The following FGL1 variants were observed in gnomAD, a reference collection of about 807,000 sequenced individuals.
The protein encoded by FGL1 is fibrinogen-like protein 1.
Under a neutral mutation model 43.7 loss-of-function variants are expected in FGL1, and 59 were observed. The observed-to-expected ratio is 1.35, with a 90% confidence interval of 1.10 to 1.68. The LOEUF (loss-of-function observed/expected upper bound fraction) is 1.68. FGL1 is among the 40% of genes most tolerant of loss of function. The pLI is 0.00. For synonymous variants in FGL1, 192 were observed against 126.5 expected, an observed-to-expected ratio of 1.52 and a Z score of -3.48; for missense variants, 596 against 373.0, an observed-to-expected ratio of 1.60 and a Z score of -4.92.
intron 3 of FGL1, among the ~76,000 whole-genome samples, chr8:17,876,691 T>C (rs1390836930): frequency 6.6e-6 from 1 of 152,184 alleles, no homozygotes; most frequent in Non-Finnish European, 1.5e-5. Context: ...AAGAAGCTTT[T>C]TGCTTACATT....
chr8:17,882,022 A>T lies in FGL1; in HGVS notation c.221T>A (p.Leu74His), dbSNP rs1169234815. 6.2e-7 allele frequency: 1 copy of T among 1,613,928 alleles called. No homozygotes were observed. The highest frequency in any genetic ancestry group is 2.2e-5 in the East Asian group (1 of 44,860). The change falls in exon 3 of 8, where the codon CTT becomes CAT. Residue 74 changes from leucine to histidine, a missense_variant. Coordinates refer to ENST00000427924, the MANE Select transcript of FGL1 (RefSeq NM_004467.4). The part of the protein sequence containing the change: ...DKGDENTVID[L>H]GSKRQYADCS... The stretch of plus-strand genomic sequence containing the variant: ...ACCTGCATACTGCCTCTTGCTTCCA[A>T]GATCAATGACAGTATTCTCATCTCC...
At chr8:17,887,195 A>G (rs1372527676) in intron 1 of FGL1, among the ~76,000 whole-genome samples, 2 of 152,116 alleles carry the variant, frequency 1.3e-5, no homozygotes, top group Non-Finnish European at 2.9e-5. Context: ...GCCAAAGAAC[A>G]TAGGATTCCT....
At position 17,868,596 on chromosome 8, in the gene FGL1, T is replaced by C. The variant is rs1373355972; in HGVS notation, c.731A>G (p.Tyr244Cys). ...ATCTTCTTCTGCGCAGTTCCCTTCA[T>C]AGTTGTCATGATCTCTGTCCCACGT... ...FSTWDRDHDN[Y>C]EGNCAEEDQS... Residue 244 changes from tyrosine (Y) to cysteine (C), a missense_variant, in exon 7 of 8, where the codon TAT (tyrosine) becomes TGT (cysteine). Coordinates refer to ENST00000427924, the MANE Select transcript of FGL1 (RefSeq NM_004467.4). 2 of 1,613,924 alleles carry C rather than the reference T, an allele frequency of 1.2e-6. No individual in the cohort carries two copies. The highest frequency in any genetic ancestry group is 1.3e-5 in the African/African-American group (1 of 74,924).
intron 7 of FGL1, among the ~76,000 whole-genome samples, chr8:17,867,763 C>T (rs1165138839): frequency 6.6e-6 from 1 of 152,162 alleles, no homozygotes; most frequent in African/African-American, 2.4e-5. Flanking sequence ...AATCTCTGCT[C>T]AGAATGACAT....
chr8:17,881,989 C>T lies in FGL1; in HGVS notation c.244+10G>A. 1 of 1,610,740 alleles carries T rather than the reference C, an allele frequency of 6.2e-7. No homozygotes were observed. The highest frequency in any genetic ancestry group is 8.5e-7 in the Non-Finnish European group (1 of 1,177,962). On this transcript the variant is annotated intron_variant, in intron 3 of 7. Coordinates refer to ENST00000427924, the MANE Select transcript of FGL1 (RefSeq NM_004467.4). ...AGTTATAGAAACACTTAAGAAAAGTCCATTCTGACCTGCATACTGCCTCTT... is the reference window on the plus strand; with the variant it reads ...AGTTATAGAAACACTTAAGAAAAGTTCATTCTGACCTGCATACTGCCTCTT...
intron 5 of FGL1, among the ~76,000 whole-genome samples, chr8:17,873,381 C>T (rs1360986379): frequency 6.6e-6 from 1 of 152,052 alleles, no homozygotes; most frequent in African/African-American, 2.4e-5. Context: ...CCTTCCATCC[C>T]AGAGCAGCAA....
intron 3 of FGL1, among the ~76,000 whole-genome samples, chr8:17,878,200 C>A (rs935061796): frequency 6.6e-6 from 1 of 152,126 alleles, no homozygotes; most frequent in South Asian, 2.1e-4. Context: ...GTTCCTCCCA[C>A]CTCGGCCTCT....
In FGL1 at chr8:17,893,913, T is replaced by C. The variant is rs1053340149; in HGVS notation, c.-18+1534A>G. On this transcript the variant is annotated intron_variant, in intron 1 of 7. Transcript: ENST00000427924. ...TGCACAATTAGTTGTATTTCTTTTA[T>C]AATATTTTTGCCTTAGGCAGTATCA... 2.4e-4 allele frequency among the ~76,000 whole-genome samples: 36 copies of C among 147,394 alleles called. 3 individuals carry two copies. The highest frequency in any genetic ancestry group is 1.9e-4 in the East Asian group (1 of 5,190).
At position 17,868,065 on chromosome 8, in the gene FGL1, T is replaced by C. The variant is rs377192857; in HGVS notation, c.779+483A>G. Among the ~76,000 whole-genome samples the C allele has an allele frequency of 5.9e-5, 9 of 152,344 alleles. No individual in the cohort carries two copies. In the East Asian group the frequency reaches 1.5e-3, roughly 26 times the overall value. ...AGGGTAGAATTAGGTTTCTGGATTA[T>C]TGTAAAGGAAATTTCTGTATTGGGA... On this transcript the variant is annotated intron_variant, in intron 7 of 7. Coordinates refer to ENST00000427924, the MANE Select transcript of FGL1 (RefSeq NM_004467.4).
chr8:17,885,434 A>G (rs971883246), intron 2 of FGL1, 58 bp downstream of exon 2: 4 of 1,437,376 alleles, frequency 2.8e-6, no homozygotes, highest in Non-Finnish European at 3.9e-6. Context: ...AAAATGAAAG[A>G]AAATTCAGAT....
At position 17,868,633 on chromosome 8, in the gene FGL1, T is replaced by C; in HGVS notation, c.694A>G (p.Met232Val). The part of the protein sequence containing the change: ...EVQWWASHQR[M>V]KFSTWDRDHD... ...TCTCTGTCCCACGTGCTGAATTTCA[T>C]TCTTTGGTGACTAGCCCACCACTGC... Residue 232 changes from methionine to valine, a missense_variant, in exon 7 of 8, where the codon ATG becomes GTG. Transcript: ENST00000427924. The C allele has an allele frequency of 1.9e-6, 3 of 1,614,172 alleles. No individual in the cohort carries two copies. The highest frequency in any genetic ancestry group is 2.5e-6 in the Non-Finnish European group (3 of 1,180,020).
chr8:17,865,411 A>C (rs2053256720), intron 7 of FGL1, among the ~76,000 whole-genome samples: 1 of 152,142 alleles, frequency 6.6e-6, no homozygotes. Context: ...TAGCTTTCAT[A>C]ATTCAAACTC....
chr8:17,874,475 G>A lies in FGL1; in HGVS notation c.291C>T (p.Tyr97=). 6 of 1,613,942 alleles carry A rather than the reference G, an allele frequency of 3.7e-6. No individual in the cohort carries two copies. Among genetic ancestry groups the A allele is most frequent in the Non-Finnish European group, 5.1e-6 (6 of 1,179,936 alleles). Reference sequence around the variant, plus strand: ...CTGGGCTCTGGAGAGGTTTGATTTTGTAAAATCCACTGAGCTTATACCCAT... The same window carrying A: ...CTGGGCTCTGGAGAGGTTTGATTTTATAAAATCCACTGAGCTTATACCCAT... ...FNDGYKLSGF[Y]KIKPLQSPAE... The change falls in exon 4 of 8, where the codon TAC becomes TAT. Residue 97 remains tyrosine (Y), a synonymous_variant. Coordinates refer to ENST00000427924, the MANE Select transcript of FGL1 (RefSeq NM_004467.4).
chr8:17,887,812 G>A (rs1483870683), intron 1 of FGL1, among the ~76,000 whole-genome samples: 2 of 148,284 alleles, frequency 1.3e-5, no homozygotes, highest in Non-Finnish European at 3.0e-5. Context: ...TCCAGCCCAG[G>A]TGACAGTGCG....
At chr8:17,874,280 C>T (rs1224593937) in intron 4 of FGL1, 82 bp downstream of exon 4, 2 of 1,472,598 alleles carry the variant, frequency 1.4e-6, no homozygotes, top group Non-Finnish European at 1.9e-6. Context: ...AATTAATAGG[C>T]TTCAGGATAT....
intron 1 of FGL1, among the ~76,000 whole-genome samples, chr8:17,894,566 A>T: frequency 6.8e-6 from 1 of 147,160 alleles, no homozygotes; most frequent in Non-Finnish European, 1.5e-5. Context: ...GAAAATTGTC[A>T]TATAGTCCAT....
intron 1 of FGL1, among the ~76,000 whole-genome samples, chr8:17,891,066 A>G (rs983278447): frequency 6.6e-6 from 1 of 152,180 alleles, no homozygotes; most frequent in Non-Finnish European, 1.5e-5. Context: ...ATTATAATAT[A>G]TGTGTTTATT....
At chr8:17,885,400 G>A (rs1290233757) in intron 2 of FGL1, 92 bp downstream of exon 2, 26 of 1,077,614 alleles carry the variant, frequency 2.4e-5, no homozygotes, top group Non-Finnish European at 2.6e-5. Context: ...TTTTTTCAAT[G>A]ACAAGTCACT....
At chr8:17,881,376 C>G (rs990546532) in intron 3 of FGL1, among the ~76,000 whole-genome samples, 5 of 151,642 alleles carry the variant, frequency 3.3e-5, no homozygotes, top group African/African-American at 1.2e-4. Flanking sequence ...ACCTTGTAAT[C>G]CGCCCACCTA....
Sources: allele counts gnomAD v4.1 joint callset (sites outside exome capture counted in the v4.1 genomes callset), GRCh38; gene constraint gnomAD v4.1.1; transcripts MANE v1.5; gene names NCBI Gene and HGNC (gene_info 2026-07-23, HGNC 2026-07-21).